Variants in FRK observed in about 807,000 individuals in gnomAD.
FRK encodes the protein tyrosine-protein kinase FRK.
FRK carries 51 observed loss-of-function variants against 56.4 expected under a neutral mutation model. The observed-to-expected ratio is 0.90, with a 90% CI of 0.72 to 1.14. The LOEUF (loss-of-function observed/expected upper bound fraction) is 1.14, where lower values mean the gene tolerates loss of function less well. Among genes scored for constraint, FRK ranks in the 50% most tolerant of loss-of-function variants. The pLI, the probability that FRK is intolerant of heterozygous loss-of-function variation, is 0.00. For missense variants in FRK, 570 were observed against 601.4 expected, an observed-to-expected ratio of 0.95 and a Z score of 0.55; for synonymous variants, 245 against 217.9, an observed-to-expected ratio of 1.12 and a Z score of -1.10.
chr6:115,942,956 G>C (rs938778402), intron 7 of FRK, 64 bp downstream of exon 7: 11 of 1,521,760 alleles, frequency 7.2e-6, no homozygotes, highest in Admixed American at 5.7e-5. Flanking sequence ...GGGCAAAGCA[G>C]TTAAAATCAC....
chr6:115,969,552 G>T (rs76714870), intron 2 of FRK, among the ~76,000 whole-genome samples: 2,341 of 152,258 alleles, frequency 0.015, 68 homozygotes, highest in African/African-American at 0.053. Context: ...AAAGCGTGTG[G>T]TCCAGAGGGA....
chr6:115,996,903 GAC>G (rs1774861428), intron 2 of FRK, among the ~76,000 whole-genome samples: 1 of 152,166 alleles, frequency 6.6e-6, no homozygotes, highest in African/African-American at 2.4e-5. Flanking sequence ...CAAGAAAGGA[GAC>G]ACAACTTTCC....
chr6:116,038,971 C>A, intron 1 of FRK: 1 of 699,390 alleles, frequency 1.4e-6, no homozygotes, highest in Non-Finnish European at 2.7e-6. Flanking sequence ...ACTAACGGGG[C>A]CTTTACTTGG....
At chr6:116,078,829 T>A in the FRK span, among the ~76,000 whole-genome samples, 1 of 152,200 alleles carries the variant, frequency 6.6e-6, no homozygotes, top group African/African-American at 2.4e-5. Context: ...CACAACAGAA[T>A]TAACCATCCC....
rs906256689 is a variant in FRK, at chr6:115,972,666, C to T, written c.467-3927G>A. Among the ~76,000 whole-genome samples the T allele has an allele frequency of 2.0e-5, 3 of 152,196 alleles. No homozygotes were observed. In the South Asian group the frequency reaches 6.2e-4, roughly 31 times the overall value. On this transcript the variant is annotated intron_variant, in intron 2 of 7. Transcript: ENST00000606080. ...CTTTGTCAACTGTGAGTATGGAGAT[C>T]TGACTTTGAACTTCTACTTCTATTG...
intron 2 of FRK, 30 bp from the exon 3 acceptor site, chr6:115,968,769 A>T: frequency 6.3e-7 from 1 of 1,596,962 alleles, no homozygotes; most frequent in Non-Finnish European, 8.6e-7. Context: ...CTGTTAATAA[A>T]CTTCTTGCTA....
At position 115,940,768 on chromosome 6, in the gene FRK, C is replaced by T. The variant is rs1401316844; in HGVS notation, c.*1646G>A. 6.6e-6 allele frequency: 1 copy of T among 152,146 alleles called. No homozygotes were observed. The allele number at this position is 152,146 out of a possible 1,614,324, so 9.4% of individuals were successfully genotyped here. A position where few individuals can be genotyped will look rare whatever the true frequency, so the allele number is the denominator to read the frequency against. ...ATCATTAGAGAAATCCAAATCAAAA[C>T]CACAATGAGATACCATCTCACACCA... On this transcript the variant is annotated 3_prime_UTR_variant, in exon 8 of 8. Coordinates refer to ENST00000606080, the MANE Select transcript of FRK (RefSeq NM_002031.3).
chr6:115,958,024 A>G (rs558886), intron 4 of FRK, among the ~76,000 whole-genome samples: 116,900 of 152,122 alleles, frequency 0.77, 45,321 homozygotes, highest in East Asian at 0.99. Flanking sequence ...AGGAAGAAAA[A>G]GGACAAGGAC....
chr6:116,081,514 C>T, the FRK span, among the ~76,000 whole-genome samples: 1 of 151,898 alleles, frequency 6.6e-6, no homozygotes, highest in East Asian at 1.9e-4. Context: ...AAAAATTAGC[C>T]GGGTGTGGTT....
chr6:115,994,333 C>G lies in FRK; in HGVS notation c.466+9544G>C, dbSNP rs865859978. Among the ~76,000 whole-genome samples, 47 of 106,064 alleles carry G rather than the reference C, an allele frequency of 4.4e-4. 5 individuals are homozygous for G. The highest frequency in any genetic ancestry group is 9.2e-4 in the East Asian group (4 of 4,334). The allele number at this position is 106,064 out of a possible 152,430, so 69.6% of individuals were successfully genotyped here. On this transcript the variant is annotated intron_variant, in intron 2 of 7. Transcript: ENST00000606080. Reference sequence around the variant, plus strand: ...CCAGAATCTCACAACCTCCCCCCCCCCCGCCTTTTTTTTGTCATTATACTC... The same window carrying G: ...CCAGAATCTCACAACCTCCCCCCCCGCCGCCTTTTTTTTGTCATTATACTC...
chr6:116,097,220 A>G, the FRK span, among the ~76,000 whole-genome samples: 1 of 152,196 alleles, frequency 6.6e-6, no homozygotes, highest in East Asian at 1.9e-4. Flanking sequence ...ATTTGGTTCT[A>G]TGTAGCTAAA....
chr6:116,054,207 C>T lies in FRK; in HGVS notation c.344+5761G>A, dbSNP rs563411707. On this transcript the variant is annotated intron_variant, in intron 1 of 7. Transcript: ENST00000606080. The stretch of plus-strand genomic sequence containing the variant: ...ATTTTTTGATAAATTATTTTAAAAA[C>T]GTATTTGTCATATTCTTATTTTACA... Among the ~76,000 whole-genome samples, 92 of 150,310 alleles carry T rather than the reference C, an allele frequency of 6.1e-4. 1 individual carries two copies. In the South Asian group the frequency reaches 0.018, roughly 30 times the overall value.
chr6:116,045,194 G>C (rs990924388), intron 1 of FRK, among the ~76,000 whole-genome samples: 9 of 152,214 alleles, frequency 5.9e-5, no homozygotes, highest in African/African-American at 1.9e-4. Context: ...TCCCCATCAA[G>C]CTACCACTGA....
chr6:115,973,851 A>G (rs1225462755), intron 2 of FRK, among the ~76,000 whole-genome samples: 1 of 148,446 alleles, frequency 6.7e-6, no homozygotes, highest in African/African-American at 2.5e-5. Flanking sequence ...AGCCTGGGCA[A>G]CAGAGCGAGA....
chr6:115,994,284 T>G (rs1008492165), intron 2 of FRK, among the ~76,000 whole-genome samples: 9 of 149,280 alleles, frequency 6.0e-5, no homozygotes, highest in Non-Finnish European at 1.3e-4. Flanking sequence ...AGAAGATAAG[T>G]TGGGAAATTT....
At chr6:116,046,827 A>C (rs1776983435) in intron 1 of FRK, among the ~76,000 whole-genome samples, 1 of 152,022 alleles carries the variant, frequency 6.6e-6, no homozygotes, top group African/African-American at 2.4e-5. Flanking sequence ...ATCTGAGTAC[A>C]TTCTTTTTCT....
At chr6:115,989,808 T>C (rs1463260986) in intron 2 of FRK, among the ~76,000 whole-genome samples, 1 of 151,944 alleles carries the variant, frequency 6.6e-6, no homozygotes, top group African/African-American at 2.4e-5. Context: ...TACCCAGTAG[T>C]GGGATTGCTC....
At chr6:116,031,659 A>T (rs1209477378) in intron 1 of FRK, among the ~76,000 whole-genome samples, 1 of 152,022 alleles carries the variant, frequency 6.6e-6, no homozygotes, top group Admixed American at 6.6e-5. Flanking sequence ...GAGTCCATGG[A>T]CTCCCACAAA....
intron 2 of FRK, among the ~76,000 whole-genome samples, chr6:115,998,479 A>G (rs111878443): frequency 7.9e-5 from 12 of 152,206 alleles, no homozygotes; most frequent in Non-Finnish European, 1.5e-4. Context: ...ACACACCTGC[A>G]CTATCCTCCA....
Sources: gnomAD v4.1 joint callset for allele counts (sites outside exome capture counted in the v4.1 genomes callset) on GRCh38, gnomAD v4.1.1 for gene constraint, MANE v1.5 for transcripts, NCBI Gene and HGNC (gene_info 2026-07-23, HGNC 2026-07-21) for gene names.